SWAP70: variants seen among roughly 807,000 people sequenced by gnomAD.
SWAP70 encodes the protein switch-associated protein 70.
SWAP70 carries 34 observed loss-of-function variants against 80.2 expected under a neutral mutation model. The ratio of observed to expected loss-of-function variants is 0.42; its 90% CI spans 0.32 to 0.56. The LOEUF (loss-of-function observed/expected upper bound fraction) is 0.56, where lower values mean the gene tolerates loss of function less well. Among genes scored for constraint, SWAP70 ranks in the 20% least tolerant of loss-of-function variants. The pLI is 0.09. For synonymous variants in SWAP70, 239 were observed against 238.5 expected, an observed-to-expected ratio of 1.00 and a Z score of -0.02; for missense variants, 578 against 690.7, an observed-to-expected ratio of 0.84 and a Z score of 1.83.
chr11:9,727,782 T>A lies in SWAP70; in HGVS notation c.643-271T>A, dbSNP rs573191957. The stretch of plus-strand genomic sequence containing the variant: ...ATTTTTTAGAAATCTCAAATGCTAC[T>A]TAATGTCAAGGGGATTCTATTGTCT... On this transcript the variant is annotated intron_variant, in intron 4 of 11. Coordinates refer to ENST00000318950, the MANE Select transcript of SWAP70 (RefSeq NM_015055.4). 2.0e-5 allele frequency among the ~76,000 whole-genome samples: 3 copies of A among 152,328 alleles called. No individual in the cohort carries two copies. In the East Asian group the frequency reaches 5.8e-4, roughly 29 times the overall value.
In SWAP70 at chr11:9,724,850, G is replaced by A. The variant is rs1046038771; in HGVS notation, c.607G>A (p.Val203Ile). 1 of 1,612,676 alleles carries A rather than the reference G, an allele frequency of 6.2e-7. No homozygotes were observed. Among genetic ancestry groups the A allele is most frequent in the Non-Finnish European group, 8.5e-7 (1 of 1,178,870 alleles). The change falls in exon 4 of 12, where the codon GTC becomes ATC. Residue 203 changes from valine (V) to isoleucine (I), a missense_variant. By Grantham distance (29) the Val-to-Ile change is conservative (BLOSUM62 3). Coordinates refer to ENST00000318950, the MANE Select transcript of SWAP70 (RefSeq NM_015055.4). Reference protein sequence around the residue: ...RQTVSMAINEVFNELILDVLK... With the variant: ...RQTVSMAINEIFNELILDVLK... ...GACTGTGTCTATGGCAATTAATGAAGTCTTTAATGAACTTATATTAGATGT... is the reference window on the plus strand; with the variant it reads ...GACTGTGTCTATGGCAATTAATGAAATCTTTAATGAACTTATATTAGATGT...
At position 9,746,279 on chromosome 11, in the gene SWAP70, C is replaced by T. The variant is rs576782834; in HGVS notation, c.1356-1579C>T. ...GCCCTACCTTCCATCAAGTCTTCTA[C>T]TATGGCAGTTCCCCTAGACACATGA... On this transcript the variant is annotated intron_variant, in intron 9 of 11. Coordinates refer to ENST00000318950, the MANE Select transcript of SWAP70 (RefSeq NM_015055.4). Among the ~76,000 whole-genome samples the T allele has an allele frequency of 5.5e-4, 84 of 152,270 alleles. No individual in the cohort carries two copies. The South Asian group carries it at 9.1e-3, about 17-fold the overall frequency.
At position 9,725,550 on chromosome 11, in the gene SWAP70, TATATATATATATATATATA is replaced by T. The variant is rs1564829431; in HGVS notation, c.642+666_642+684del. The stretch of plus-strand genomic sequence containing the variant: ...TACAAAATATATATATATATATATA[TATATATATATATATATATA>T]TTTTTTTTTTTTTTTTTTTCCAAGA... On this transcript the variant is annotated intron_variant, in intron 4 of 11. Transcript: ENST00000318950. Among the ~76,000 whole-genome samples the T allele has an allele frequency of 5.6e-3, 61 of 10,846 alleles. 1 individual carries two copies. Among genetic ancestry groups the T allele is most frequent in the Non-Finnish European group, 8.2e-3 (37 of 4,502 alleles). The allele number at this position is 10,846 out of a possible 152,430, so 7.1% of individuals were successfully genotyped here. A position where few individuals can be genotyped will look rare whatever the true frequency, so the allele number is the denominator to read the frequency against.
chr11:9,677,484 T>C (rs888520294), intron 1 of SWAP70, among the ~76,000 whole-genome samples: 8 of 152,186 alleles, frequency 5.3e-5, no homozygotes, highest in African/African-American at 1.7e-4. Flanking sequence ...CCCATATTAG[T>C]CCCCTGTCCT....
chr11:9,720,918 C>T (rs1011284211), intron 3 of SWAP70, among the ~76,000 whole-genome samples: 2 of 152,288 alleles, frequency 1.3e-5, no homozygotes, highest in East Asian at 1.9e-4. Flanking sequence ...TGGCTTCAAA[C>T]GGTTCTCCTA....
At chr11:9,701,608 C>A (rs551902141) in intron 2 of SWAP70, among the ~76,000 whole-genome samples, 3 of 132,678 alleles carry the variant, frequency 2.3e-5, no homozygotes, top group African/African-American at 5.4e-5. Flanking sequence ...CAAAGTAAGA[C>A]CTTGTCTGTT....
intron 9 of SWAP70, among the ~76,000 whole-genome samples, chr11:9,744,394 A>G (rs1851484195): frequency 6.6e-6 from 1 of 152,258 alleles, no homozygotes; most frequent in Admixed American, 6.5e-5. Flanking sequence ...TAATAATCAC[A>G]TCAGGGTAAA....
intron 2 of SWAP70, among the ~76,000 whole-genome samples, chr11:9,701,274 C>T (rs776347435): frequency 4.0e-5 from 6 of 151,742 alleles, no homozygotes; most frequent in South Asian, 2.1e-4. Flanking sequence ...TGAGTTCAAG[C>T]GACTCTTCTG....
chr11:9,695,443 A>T (rs753649957), intron 2 of SWAP70, among the ~76,000 whole-genome samples: 1 of 152,172 alleles, frequency 6.6e-6, no homozygotes, highest in Non-Finnish European at 1.5e-5. Flanking sequence ...TGCTGCCCTA[A>T]AAAAGAGTGA....
chr11:9,697,879 A>G (rs1003835245), intron 2 of SWAP70, among the ~76,000 whole-genome samples: 2 of 151,976 alleles, frequency 1.3e-5, no homozygotes, highest in African/African-American at 4.8e-5. Context: ...CTCCTATGCT[A>G]AATAAAGTAG....
At chr11:9,685,997 C>T (rs981962775) in intron 1 of SWAP70, among the ~76,000 whole-genome samples, 6 of 152,104 alleles carry the variant, frequency 3.9e-5, no homozygotes, top group Admixed American at 1.3e-4. Flanking sequence ...TTTTGGGGGA[C>T]ACATTCAGAC....
In SWAP70 at chr11:9,747,868, G is replaced by A; in HGVS notation, c.1366G>A (p.Glu456Lys). 6.2e-7 allele frequency: 1 copy of A among 1,614,172 alleles called. No homozygotes were observed. The highest frequency in any genetic ancestry group is 8.5e-7 in the Non-Finnish European group (1 of 1,180,022). Residue 456 changes from glutamate (E) to lysine (K), a missense_variant, in exon 10 of 12, where the codon GAA (glutamate) becomes AAA (lysine). Transcript: ENST00000318950. ...TCCTCCACATTGTAGGTTGTTGGAG[G>A]AAGAGTCTTCCAAGAGGGCTGAACT... ...VRKLQARLLE[E>K]ESSKRAELEK...
intron 1 of SWAP70, among the ~76,000 whole-genome samples, chr11:9,676,196 A>T (rs530764167): frequency 3.3e-5 from 5 of 152,326 alleles, no homozygotes; most frequent in African/African-American, 1.2e-4. Flanking sequence ...TTTTGATTGC[A>T]ATTTTAGTAT....
intron 1 of SWAP70, among the ~76,000 whole-genome samples, chr11:9,670,983 G>A (rs1432421696): frequency 6.7e-6 from 1 of 150,146 alleles, no homozygotes; most frequent in Non-Finnish European, 1.5e-5. Context: ...TCGAACTCCT[G>A]ACCTTGTGAT....
At chr11:9,720,571 C>T in intron 3 of SWAP70, 1 of 732,188 alleles carries the variant, frequency 1.4e-6, no homozygotes, top group Non-Finnish European at 1.7e-6. Context: ...CACGTGTAGT[C>T]ATACTGCACA....
chr11:9,675,374 A>G (rs71463732), intron 1 of SWAP70, among the ~76,000 whole-genome samples: 2,799 of 32,692 alleles, frequency 0.086, 842 homozygotes, highest in South Asian at 0.22. Context: ...AGAGAGAGAG[A>G]GAGAGAGAGA....
chr11:9,716,332 C>T (rs1851065811), intron 3 of SWAP70, among the ~76,000 whole-genome samples: 1 of 152,160 alleles, frequency 6.6e-6, no homozygotes, highest in African/African-American at 2.4e-5. Flanking sequence ...ACCTAGAGGT[C>T]ACAGGACCAA....
In SWAP70 at chr11:9,740,352, C is replaced by T; in HGVS notation, c.1355+5C>T. ...AGTGCGGAAGCTTCAGGCCAGGTGC[C>T]AGATTTGTTTGCAGACTTTGCCTTT... On this transcript the variant is annotated splice_donor_5th_base_variant and intron_variant, in intron 9 of 11. Transcript: ENST00000318950. The T allele has an allele frequency of 6.2e-7, 1 of 1,614,086 alleles. No homozygotes were observed. Among genetic ancestry groups the T allele is most frequent in the Non-Finnish European group, 8.5e-7 (1 of 1,179,974 alleles).
intron 1 of SWAP70, among the ~76,000 whole-genome samples, chr11:9,685,837 T>G (rs1456449094): frequency 6.6e-6 from 1 of 152,186 alleles, no homozygotes; most frequent in Non-Finnish European, 1.5e-5. Context: ...TTTCACCATG[T>G]TGGCCAGGAT....
Sources: allele counts gnomAD v4.1 joint callset (sites outside exome capture counted in the v4.1 genomes callset), GRCh38; gene constraint gnomAD v4.1.1; transcripts MANE v1.5; gene names NCBI Gene and HGNC (gene_info 2026-07-23, HGNC 2026-07-21).